Variants in BCL2L1 observed in about 807,000 individuals in gnomAD.
BCL2L1 encodes bcl-2-like protein 1.
A neutral mutation model predicts 18.7 loss-of-function variants in BCL2L1; 1 was observed. The observed-to-expected ratio is 0.05, with a 90% confidence interval of 0.02 to 0.25. BCL2L1 has a LOEUF of 0.25. BCL2L1 is among the 10% of genes least tolerant of loss of function. BCL2L1 has a pLI of 1.00. For synonymous variants in BCL2L1, 103 were observed against 122.7 expected (o/e 0.84, Z 1.06); for missense variants, 207 against 304.9 (o/e 0.68, Z 2.39).
intron 2 of BCL2L1, among the ~76,000 whole-genome samples, chr20:31,702,212 G>C (rs1258565821): frequency 6.6e-6 from 1 of 152,234 alleles, no homozygotes; most frequent in Non-Finnish European, 1.5e-5. Flanking sequence ...AGGCCCTTGG[G>C]CAGGAAGAAG....
At chr20:31,680,647 C>T (rs940085080) in intron 2 of BCL2L1, among the ~76,000 whole-genome samples, 2 of 152,220 alleles carry the variant, frequency 1.3e-5, no homozygotes, top group African/African-American at 4.8e-5. Context: ...GACAGGCTGC[C>T]TTCCCTAGCT....
At chr20:31,694,283 T>A (rs1368239868) in intron 2 of BCL2L1, among the ~76,000 whole-genome samples, 1 of 133,450 alleles carries the variant, frequency 7.5e-6, no homozygotes. Context: ...AGTTTGCTGG[T>A]GGCAGCTTGG....
At chr20:31,700,690 T>G (rs1184423477) in intron 2 of BCL2L1, among the ~76,000 whole-genome samples, 2 of 152,234 alleles carry the variant, frequency 1.3e-5, no homozygotes, top group Non-Finnish European at 2.9e-5. Context: ...TCACCTCTTC[T>G]GTGAAGTCCT....
chr20:31,667,483 CCG>C (rs1491361638), intron 2 of BCL2L1, among the ~76,000 whole-genome samples: 13 of 64,092 alleles, frequency 2.0e-4, no homozygotes, highest in Non-Finnish European at 3.0e-4. Context: ...TACCATAGTA[CCG>C]TGTGTGTGTG....
chr20:31,680,717 AC>A (rs1486832766), intron 2 of BCL2L1, among the ~76,000 whole-genome samples: 2 of 152,234 alleles, frequency 1.3e-5, no homozygotes, highest in African/African-American at 4.8e-5. Context: ...CAGGCACTGT[AC>A]TAAGCGCTGG....
At chr20:31,668,860 C>T (rs1208091715) in intron 2 of BCL2L1, among the ~76,000 whole-genome samples, 1 of 152,050 alleles carries the variant, frequency 6.6e-6, no homozygotes, top group East Asian at 1.9e-4. Flanking sequence ...TCACCTCGGC[C>T]TCCCAAAGTG....
chr20:31,675,203 T>C (rs2060740079), intron 2 of BCL2L1, among the ~76,000 whole-genome samples: 1 of 152,162 alleles, frequency 6.6e-6, no homozygotes, highest in Non-Finnish European at 1.5e-5. Context: ...TGCTTGGTTA[T>C]TTCAGGAAAG....
chr20:31,715,447 T>C (rs368398932), intron 2 of BCL2L1, among the ~76,000 whole-genome samples: 58 of 152,186 alleles, frequency 3.8e-4, no homozygotes, highest in African/African-American at 1.3e-3. Context: ...ACATTGACCT[T>C]CTTGCTCATC....
chr20:31,711,663 G>T (rs2061454783), intron 2 of BCL2L1, among the ~76,000 whole-genome samples: 1 of 152,186 alleles, frequency 6.6e-6, no homozygotes, highest in Admixed American at 6.5e-5. Context: ...CTTTAGGAGA[G>T]GCAGACAGTA....
chr20:31,709,677 C>CA (rs1410116032), intron 2 of BCL2L1, among the ~76,000 whole-genome samples: 7 of 150,610 alleles, frequency 4.6e-5, no homozygotes, highest in Admixed American at 4.0e-4. Context: ...ACTAAAAATA[C>CA]AAAAAAAATT....
intron 2 of BCL2L1, among the ~76,000 whole-genome samples, chr20:31,671,268 C>T (rs896642626): frequency 8.5e-5 from 13 of 152,068 alleles, no homozygotes; most frequent in African/African-American, 2.4e-4. Flanking sequence ...AGAGCCTACA[C>T]TAGAAAACTG....
chr20:31,665,781 A>G lies in BCL2L1; in HGVS notation c.*168T>C. The G allele has an allele frequency of 1.1e-6, 1 of 872,448 alleles. No homozygotes were observed. The highest frequency in any genetic ancestry group is 1.8e-5 in the South Asian group (1 of 56,080). 54.0% of individuals were successfully genotyped at this position (872,448 alleles called of 1,614,324 possible). ...TGTGGGGGTCTCACAGAAGTGTGAT[A>G]AATTCTAGAAAACTAGCTGCAAGGG... On this transcript the variant is annotated 3_prime_UTR_variant, in exon 3 of 3. Transcript: ENST00000307677.
chr20:31,666,234 G>C, intron 2 of BCL2L1, 148 bp from the exon 3 acceptor site: 1 of 959,692 alleles, frequency 1.0e-6, no homozygotes, highest in South Asian at 1.6e-5. Flanking sequence ...AAGGGCTAAG[G>C]GTGGTCCTCT....
chr20:31,668,189 C>T (rs1432670972), intron 2 of BCL2L1, among the ~76,000 whole-genome samples: 1 of 152,098 alleles, frequency 6.6e-6, no homozygotes, highest in Non-Finnish European at 1.5e-5. Context: ...TGCCTCACTC[C>T]CTCATTTCAC....
chr20:31,665,657 G>T lies in BCL2L1; in HGVS notation c.*292C>A. On this transcript the variant is annotated 3_prime_UTR_variant, in exon 3 of 3. Coordinates refer to ENST00000307677, the MANE Select transcript of BCL2L1 (RefSeq NM_138578.3). The stretch of plus-strand genomic sequence containing the variant: ...GTAAGGGTTGCACCAATCAGGTAGG[G>T]CCCTCCTGCCCCCAGCCACAAACCC... 1 of 466,866 alleles carries T rather than the reference G, an allele frequency of 2.1e-6. No individual in the cohort carries two copies. The highest frequency in any genetic ancestry group is 3.9e-6 in the Non-Finnish European group (1 of 259,736). 28.9% of individuals were successfully genotyped at this position (466,866 alleles called of 1,614,324 possible).
chr20:31,670,924 A>C lies in BCL2L1; in HGVS notation c.565-4838T>G, dbSNP rs139359173. On this transcript the variant is annotated intron_variant, in intron 2 of 2. Coordinates refer to ENST00000307677, the MANE Select transcript of BCL2L1 (RefSeq NM_138578.3). ...GCAGCCCTGGTCTGGAAAAGCAGAG[A>C]TAAGCCCCTACTGCACCTTGGGTGG... Among the ~76,000 whole-genome samples, 510 of 152,310 alleles carry C rather than the reference A, an allele frequency of 3.3e-3. 2 individuals carry two copies. Among genetic ancestry groups the C allele is most frequent in the Non-Finnish European group, 5.1e-3 (350 of 68,020 alleles).
intron 2 of BCL2L1, among the ~76,000 whole-genome samples, chr20:31,682,570 C>T (rs1267768442): frequency 3.3e-5 from 5 of 152,148 alleles, no homozygotes; most frequent in African/African-American, 4.8e-5. Flanking sequence ...CTCAGCCTCC[C>T]GACTAGGTGG....
chr20:31,714,573 C>T (rs945730969), intron 2 of BCL2L1, among the ~76,000 whole-genome samples: 2 of 152,184 alleles, frequency 1.3e-5, no homozygotes, highest in African/African-American at 4.8e-5. Context: ...TGTGTCTTTA[C>T]CATCGCCCCC....
Position 31,721,663 on chromosome 20 carries a change from C to T in BCL2L1, c.556G>A (p.Gly186Ser), listed in dbSNP as rs752920927. Residue 186 changes from glycine (G) to serine (S), a missense_variant, in exon 2 of 3, where the codon GGC (glycine) becomes AGC (serine). Coordinates refer to ENST00000307677, the MANE Select transcript of BCL2L1 (RefSeq NM_138578.3). ...AGGGGCTTGGTTCTTACCCAGCCGC[C>T]GTTCTCCTGGATCCAAGGCTCTAGG... is the stretch of plus-strand genomic sequence containing the variant. ...DHLEPWIQEN[G>S]GWDTFVELYG... The T allele has an allele frequency of 7.5e-6, 12 of 1,603,370 alleles. No homozygotes were observed. Among genetic ancestry groups the T allele is most frequent in the Non-Finnish European group, 1.0e-5 (12 of 1,173,600 alleles).
Sources: gnomAD v4.1 joint callset for allele counts (sites outside exome capture counted in the v4.1 genomes callset) on GRCh38, gnomAD v4.1.1 for gene constraint, MANE v1.5 for transcripts, NCBI Gene and HGNC (gene_info 2026-07-23, HGNC 2026-07-21) for gene names.